The following PRDM15 variants were observed in gnomAD, a reference collection of about 807,000 sequenced individuals.
PRDM15 encodes PR domain zinc finger protein 15.
In PRDM15, 64 loss-of-function variants were observed where a neutral mutation model predicts 128.6. The ratio of observed to expected loss-of-function variants is 0.50; its 90% CI spans 0.41 to 0.61. PRDM15 has a LOEUF of 0.61. Among genes scored for constraint, PRDM15 ranks in the 20% least tolerant of loss-of-function variants. The probability of loss-of-function intolerance (pLI) is 0.00; values close to 1 mark genes in which losing one functional copy is unlikely to be tolerated. For missense variants in PRDM15, 1,242 were observed against 1,569.1 expected (o/e 0.79, Z 3.52); for synonymous variants, 615 against 621.8 (o/e 0.99, Z 0.16).
In PRDM15 at chr21:41,839,656, G is replaced by T. The variant is rs760352137; in HGVS notation, c.838C>A (p.Pro280Thr). Residue 280 changes from proline to threonine, a missense_variant, in exon 7 of 24, where the codon CCT (proline) becomes ACT (threonine). By Grantham distance (38) the Pro-to-Thr change is conservative (BLOSUM62 -1). Coordinates refer to ENST00000398548, the MANE Select transcript of PRDM15 (RefSeq NM_001040424.3). ...RKPKVSKAEQPLVIVEDKEPT... is the reference protein window; with the variant it reads ...RKPKVSKAEQTLVIVEDKEPT... Reference sequence around the variant, plus strand: ...TCCTTGTCTTCCACGATGACTAGAGGCTGCTCAGCTTTGGACACTTTGGGT... The same window carrying T: ...TCCTTGTCTTCCACGATGACTAGAGTCTGCTCAGCTTTGGACACTTTGGGT... The T allele has an allele frequency of 8.1e-6, 13 of 1,614,246 alleles. No individual in the cohort carries two copies. The South Asian group carries it at 1.4e-4, about 18-fold the overall frequency.
chr21:41,825,896 A>T, intron 13 of PRDM15, 64 bp downstream of exon 13: 1 of 1,231,610 alleles, frequency 8.1e-7, no homozygotes, highest in Non-Finnish European at 1.2e-6. Flanking sequence ...CAGCTCATAG[A>T]GTCTTAACTG....
At chr21:41,842,352 C>T (rs2063098341) in intron 6 of PRDM15, among the ~76,000 whole-genome samples, 2 of 152,200 alleles carry the variant, frequency 1.3e-5, no homozygotes, top group Admixed American at 6.5e-5. Context: ...ACTATACTCT[C>T]CCTCCCAAAT....
chr21:41,854,641 G>A lies in PRDM15; in HGVS notation c.463C>T (p.Arg155Cys), dbSNP rs749501331. 1.9e-6 allele frequency: 3 copies of A among 1,613,768 alleles called. No homozygotes were observed. Among genetic ancestry groups the A allele is most frequent in the African/African-American group, 1.3e-5 (1 of 75,072 alleles). Reference sequence around the variant, plus strand: ...GCATAGAAGGCCGCATACCACACGCGCAGCTCGGTACCCGGGGGGATGTCT... The same window carrying A: ...GCATAGAAGGCCGCATACCACACGCACAGCTCGGTACCCGGGGGGATGTCT... Reference protein sequence around the residue: ...SRDIPPGTELRVWYAAFYAKK... With the variant: ...SRDIPPGTELCVWYAAFYAKK... Residue 155 changes from arginine (R) to cysteine (C), a missense_variant, in exon 5 of 24, where the codon CGC (arginine) becomes TGC (cysteine). Physicochemically the swap from Arg to Cys is radical, Grantham distance 180. This residue lies in a region of PRDM15 where 612 missense variants were observed against 717.0 expected (regional missense o/e 0.85). Coordinates refer to ENST00000398548, the MANE Select transcript of PRDM15 (RefSeq NM_001040424.3). This position sits in a 1 kb window ranked among gnomAD's most constrained non-coding sequence, Gnocchi z 4.6.
intron 1 of PRDM15, among the ~76,000 whole-genome samples, chr21:41,864,380 C>G (rs1397044229): frequency 6.6e-6 from 1 of 152,116 alleles, no homozygotes; most frequent in South Asian, 2.1e-4. Flanking sequence ...CTAGGGCAAG[C>G]CACAGTTTTT....
chr21:41,872,894 G>A (rs778511150), intron 1 of PRDM15, among the ~76,000 whole-genome samples: 4 of 152,242 alleles, frequency 2.6e-5, no homozygotes, highest in African/African-American at 7.2e-5. Context: ...GTGGCTTCAC[G>A]TGCATGTGGC....
In PRDM15 at chr21:41,799,414, T is replaced by C. The variant is rs1038459445; in HGVS notation, c.*1826A>G. The C allele has an allele frequency of 6.6e-6, 1 of 152,196 alleles. No individual in the cohort carries two copies. The highest frequency in any genetic ancestry group is 2.4e-5 in the African/African-American group (1 of 41,440). The allele number at this position is 152,196 out of a possible 1,614,324, so 9.4% of individuals were successfully genotyped here. A position where few individuals can be genotyped will look rare whatever the true frequency, so the allele number is the denominator to read the frequency against. On this transcript the variant is annotated 3_prime_UTR_variant, in exon 24 of 24. Coordinates refer to ENST00000398548, the MANE Select transcript of PRDM15 (RefSeq NM_001040424.3). Reference sequence around the variant, plus strand: ...ACTATGTATAAAACAGTTAATTATATACATAAATAACATAAAATAATTCTC... The same window carrying C: ...ACTATGTATAAAACAGTTAATTATACACATAAATAACATAAAATAATTCTC...
chr21:41,868,211 G>A (rs560161669), intron 1 of PRDM15, among the ~76,000 whole-genome samples: 14 of 152,120 alleles, frequency 9.2e-5, no homozygotes, highest in African/African-American at 2.4e-4. Context: ...GTGCATTACC[G>A]TTTGTTTAGC....
intron 1 of PRDM15, chr21:41,878,666 G>C (rs1222601846): frequency 1.4e-6 from 2 of 1,464,568 alleles, no homozygotes; most frequent in South Asian, 2.4e-5. Flanking sequence ...ACGAAAATAA[G>C]GCGCAGGGGG....
chr21:41,804,615 C>T lies in PRDM15; in HGVS notation c.2653-1G>A. On this transcript the variant is annotated splice_acceptor_variant, in intron 21 of 23. Coordinates refer to ENST00000398548, the MANE Select transcript of PRDM15 (RefSeq NM_001040424.3). LOFTEE classifies it high-confidence loss of function. The stretch of plus-strand genomic sequence containing the variant: ...GGTCATCGATCCTCACCGCGAGCAC[C>T]TATGAGGAGCACAGGGCATGAGCTG... The T allele has an allele frequency of 6.4e-7, 1 of 1,555,886 alleles. No individual in the cohort carries two copies. Among genetic ancestry groups the T allele is most frequent in the Non-Finnish European group, 8.7e-7 (1 of 1,150,228 alleles).
chr21:41,862,011 T>C lies in PRDM15; in HGVS notation c.-9-1639A>G, dbSNP rs760082323. The C allele has an allele frequency of 6.2e-7, 1 of 1,610,562 alleles. No homozygotes were observed. Among genetic ancestry groups the C allele is most frequent in the Non-Finnish European group, 8.5e-7 (1 of 1,177,844 alleles). ...TCGGCCTTGCCTGCCCCAGTTCCTG[T>C]GGATGGGCACCTCGGCGCAAATAGG... On this transcript the variant is annotated intron_variant, in intron 1 of 23. Transcript: ENST00000398548. The surrounding 1 kb of genome is among the most constrained non-coding windows in gnomAD (Gnocchi z 4.1).
rs1029350493 is a variant in PRDM15 at position 41,854,206 on chromosome 21, C to T, written c.538+360G>A. On this transcript the variant is annotated intron_variant, in intron 5 of 23. Coordinates refer to ENST00000398548, the MANE Select transcript of PRDM15 (RefSeq NM_001040424.3). The surrounding 1 kb of genome is among the most constrained non-coding windows in gnomAD (Gnocchi z 4.6). ...TGGACAGGCTGGTAGCTAGAACAGG[C>T]TACACCATACAGCCTGGGTGTGTAG... is the stretch of plus-strand genomic sequence containing the variant. 6.6e-6 allele frequency among the ~76,000 whole-genome samples: 1 copy of T among 152,184 alleles called. No homozygotes were observed. The highest frequency in any genetic ancestry group is 1.5e-5 in the Non-Finnish European group (1 of 68,038).
chr21:41,809,141 G>C (rs2061775921), intron 21 of PRDM15, among the ~76,000 whole-genome samples: 2 of 152,172 alleles, frequency 1.3e-5, no homozygotes. Context: ...TACACCCTGA[G>C]TGCGCTTCGC....
intron 6 of PRDM15, among the ~76,000 whole-genome samples, chr21:41,841,324 G>T (rs928062488): frequency 2.0e-5 from 3 of 152,188 alleles, no homozygotes; most frequent in African/African-American, 4.8e-5. Flanking sequence ...GACTTACCAA[G>T]AATAATAATG....
chr21:41,866,746 T>C (rs1484950696), intron 1 of PRDM15, among the ~76,000 whole-genome samples: 1 of 152,060 alleles, frequency 6.6e-6, no homozygotes, highest in Admixed American at 6.6e-5. Flanking sequence ...GGCTGTTCAT[T>C]TGGGGCAGCA....
At chr21:41,849,867 T>C (rs1330335520) in intron 5 of PRDM15, among the ~76,000 whole-genome samples, 2 of 152,090 alleles carry the variant, frequency 1.3e-5, no homozygotes, top group African/African-American at 2.4e-5. Context: ...AACCGGGAGG[T>C]AGAGGTTGCA....
chr21:41,874,140 T>G (rs963578385), intron 1 of PRDM15, among the ~76,000 whole-genome samples: 4 of 150,164 alleles, frequency 2.7e-5, no homozygotes, highest in African/African-American at 7.4e-5. Context: ...TCTAACTGGC[T>G]GTCCTGTGTT....
At chr21:41,871,713 C>T (rs2064219577) in intron 1 of PRDM15, 1 of 1,400,612 alleles carries the variant, frequency 7.1e-7, no homozygotes, top group Non-Finnish European at 9.7e-7. Context: ...TAACAGTGGT[C>T]CTCTGTTGTT....
At chr21:41,874,235 G>A (rs2146043518) in intron 1 of PRDM15, among the ~76,000 whole-genome samples, 1 of 152,010 alleles carries the variant, frequency 6.6e-6, no homozygotes, top group East Asian at 1.9e-4. Flanking sequence ...TTGGATGGTG[G>A]AGAGGCTGTG....
At chr21:41,834,866 C>T (rs1221553444) in intron 11 of PRDM15, among the ~76,000 whole-genome samples, 1 of 152,242 alleles carries the variant, frequency 6.6e-6, no homozygotes, top group Non-Finnish European at 1.5e-5. Flanking sequence ...CTCTCCACTA[C>T]AGGCTGGTCC....
Sources: allele counts gnomAD v4.1 joint callset (sites outside exome capture counted in the v4.1 genomes callset), GRCh38; gene constraint gnomAD v4.1.1; regional missense constraint gnomAD v4.1.1; non-coding constraint Gnocchi (gnomAD v3.1); transcripts MANE v1.5; gene names NCBI Gene and HGNC (gene_info 2026-07-23, HGNC 2026-07-21).